HK2: variants seen among roughly 807,000 people sequenced by gnomAD.
The protein encoded by HK2 is hexokinase-2.
Under a neutral mutation model 92.9 loss-of-function variants are expected in HK2, and 42 were observed. The observed-to-expected ratio is 0.45, with a 90% confidence interval of 0.35 to 0.58. The LOEUF is 0.58. HK2 is among the 20% of genes least tolerant of loss of function. The pLI is 0.00. For synonymous variants in HK2, 422 were observed against 468.0 expected, an observed-to-expected ratio of 0.90 and a Z score of 1.27; for missense variants, 978 against 1,245.1, an observed-to-expected ratio of 0.79 and a Z score of 3.23.
chr2:74,882,605 T>TTGC (rs1553449959), intron 12 of HK2, among the ~76,000 whole-genome samples: 5 of 75,738 alleles, frequency 6.6e-5, no homozygotes, highest in Admixed American at 1.2e-4. Flanking sequence ...TCTATTGAAC[T>TTGC]TATATATATA....
chr2:74,862,165 C>CTT (rs1361895314), intron 2 of HK2, among the ~76,000 whole-genome samples: 1 of 152,334 alleles, frequency 6.6e-6, no homozygotes, highest in East Asian at 1.9e-4. Flanking sequence ...CTGAACTTCA[C>CTT]TTTACAGAAA....
At chr2:74,869,626 G>A (rs115105074) in intron 3 of HK2, among the ~76,000 whole-genome samples, 2,921 of 152,280 alleles carry the variant, frequency 0.019, 85 homozygotes, top group African/African-American at 0.067. Context: ...CGTATATCTC[G>A]TGGAAAGGGA....
chr2:74,889,460 T>A lies in HK2; in HGVS notation c.2591T>A (p.Leu864His). 1 of 1,610,592 alleles carries A rather than the reference T, an allele frequency of 6.2e-7. No homozygotes were observed. Among genetic ancestry groups the A allele is most frequent in the Non-Finnish European group, 8.5e-7 (1 of 1,177,810 alleles). The change falls in exon 17 of 18, where the codon CTC becomes CAC. Residue 864 changes from leucine (L) to histidine (H), a missense_variant. Physicochemically the swap from Leu to His is moderately conservative, Grantham distance 99. This residue lies in a region of HK2 where 742 missense variants were observed against 922.5 expected (regional missense o/e 0.80). Transcript: ENST00000290573. ...GTGACAGTGGGTGTGGATGGGACCC[T>A]CTACAAGCTACATCCTCAGTGAGTG... Reference protein sequence around the residue: ...LKVTVGVDGTLYKLHPHFAKV... With the variant: ...LKVTVGVDGTHYKLHPHFAKV...
At chr2:74,855,637 G>T (rs1253998912) in intron 2 of HK2, among the ~76,000 whole-genome samples, 1 of 152,224 alleles carries the variant, frequency 6.6e-6, no homozygotes, top group African/African-American at 2.4e-5. Context: ...GTGGATTAGG[G>T]CTAGGTCACT....
chr2:74,873,808 T>A (rs1358573250), intron 5 of HK2, 36 bp from the exon 6 acceptor site: 1 of 1,460,154 alleles, frequency 6.8e-7, no homozygotes, highest in East Asian at 2.3e-5. Context: ...CCCTCTGTGA[T>A]GATGAAGGTC....
At chr2:74,863,403 CTG>C (rs1688876204) in intron 2 of HK2, among the ~76,000 whole-genome samples, 2 of 152,230 alleles carry the variant, frequency 1.3e-5, no homozygotes, top group South Asian at 4.1e-4. Flanking sequence ...CCAGCGTTAA[CTG>C]TGATTCAGTG....
chr2:74,874,537 C>T, intron 7 of HK2, 88 bp downstream of exon 7: 1 of 1,298,132 alleles, frequency 7.7e-7, no homozygotes. Flanking sequence ...TGTTTCTTTA[C>T]AGTCTTACAT....
Position 74,874,328 on chromosome 2 carries a change from G to A in HK2, c.754G>A (p.Glu252Lys), listed in dbSNP as rs766707949. Residue 252 changes from glutamate to lysine, a missense_variant, in exon 7 of 18, where the codon GAG (glutamate) becomes AAG (lysine). Glu to Lys is a moderately conservative substitution (Grantham distance 56, BLOSUM62 1). Around this residue, in one of 3 missense-constraint regions of HK2, gnomAD observed 742 missense variants for 922.5 expected, o/e 0.80. Coordinates refer to ENST00000290573, the MANE Select transcript of HK2 (RefSeq NM_000189.5). Reference protein sequence around the residue: ...MRHIDMVEGDEGRMCINMEWG... With the variant: ...MRHIDMVEGDKGRMCINMEWG... ...CCACATCGACATGGTGGAAGGCGATGAGGGGCGGATGTGTATCAATATGGA... is the reference window on the plus strand; with the variant it reads ...CCACATCGACATGGTGGAAGGCGATAAGGGGCGGATGTGTATCAATATGGA... 2.5e-6 allele frequency: 4 copies of A among 1,614,070 alleles called. No homozygotes were observed. The African/African-American group carries it at 4.0e-5, about 16-fold the overall frequency.
Position 74,880,689 on chromosome 2 carries a change from G to A in HK2, c.1570+120G>A, listed in dbSNP as rs550182169. ...TGAACCAGAACACGTTTCTTCAGCC[G>A]TATTACTAGGGAGTTCTAGTCTTTG... On this transcript the variant is annotated intron_variant, in intron 10 of 17. Transcript: ENST00000290573. 8.9e-6 allele frequency: 9 copies of A among 1,005,912 alleles called. No homozygotes were observed. In the East Asian group the frequency reaches 1.8e-4, roughly 21 times the overall value. The allele number at this position is 1,005,912 out of a possible 1,614,324, so 62.3% of individuals were successfully genotyped here. A position where few individuals can be genotyped will look rare whatever the true frequency, so the allele number is the denominator to read the frequency against.
At chr2:74,867,495 A>C (rs1688982348) in intron 2 of HK2, 141 bp from the exon 3 acceptor site, 3 of 793,780 alleles carry the variant, frequency 3.8e-6, no homozygotes, top group African/African-American at 1.7e-5. Context: ...ATTAGACTAT[A>C]TGTAATGTCT....
At chr2:74,860,575 G>A (rs79524503) in intron 2 of HK2, among the ~76,000 whole-genome samples, 4,595 of 152,226 alleles carry the variant, frequency 0.03, 213 homozygotes, top group African/African-American at 0.1. Flanking sequence ...TCTGTGTTGT[G>A]TCTATCAGTG....
intron 3 of HK2, among the ~76,000 whole-genome samples, chr2:74,870,754 T>C (rs903508463): frequency 6.6e-6 from 1 of 152,076 alleles, no homozygotes; most frequent in African/African-American, 2.4e-5. Context: ...TTCAAGGGAG[T>C]TGGCTCACCT....
chr2:74,868,581 GGTTTTT>G (rs1689019138), intron 3 of HK2, among the ~76,000 whole-genome samples: 2 of 151,980 alleles, frequency 1.3e-5, no homozygotes, highest in African/African-American at 4.8e-5. Context: ...TTTTCACAGG[GGTTTTT>G]GTCTGTTTAT....
intron 10 of HK2, among the ~76,000 whole-genome samples, chr2:74,881,327 A>C (rs924471539): frequency 6.6e-6 from 1 of 152,210 alleles, no homozygotes; most frequent in African/African-American, 2.4e-5. Flanking sequence ...TTCCAGAGAC[A>C]GACTGGGATT....
chr2:74,885,548 G>A lies in HK2; in HGVS notation c.1894G>A (p.Asp632Asn), dbSNP rs1455796627. ...CAAGGCATCTGGCTGCGAGGGCGAG[G>A]ACGTGGTGACCCTGCTGAAGGAAGC... is the stretch of plus-strand genomic sequence containing the variant. Reference protein sequence around the residue: ...GFKASGCEGEDVVTLLKEAIH... With the variant: ...GFKASGCEGENVVTLLKEAIH... The change falls in exon 13 of 18, where the codon GAC becomes AAC. Residue 632 changes from aspartate to asparagine, a missense_variant. By Grantham distance (23) the Asp-to-Asn change is conservative. Around this residue, in one of 3 missense-constraint regions of HK2, gnomAD observed 742 missense variants for 922.5 expected, o/e 0.80. Coordinates refer to ENST00000290573, the MANE Select transcript of HK2 (RefSeq NM_000189.5). 13 of 1,613,944 alleles carry A rather than the reference G, an allele frequency of 8.1e-6. No homozygotes were observed. In the East Asian group the frequency reaches 2.7e-4, roughly 33 times the overall value.
rs760424505 is a variant in HK2, at chr2:74,886,685, A to G, written c.2219+12A>G. The G allele has an allele frequency of 4.5e-5, 72 of 1,613,496 alleles. No homozygotes were observed. The East Asian group carries it at 1.5e-3, about 34-fold the overall frequency. ...CCCGGCAAGCAGAGGTAGGCACCCA[A>G]CTGGGGCCCTGTTAAGTGTATCCCA... is the stretch of plus-strand genomic sequence containing the variant. On this transcript the variant is annotated intron_variant, in intron 15 of 17. Transcript: ENST00000290573.
intron 1 of HK2, among the ~76,000 whole-genome samples, chr2:74,844,612 A>C (rs1688394518): frequency 6.6e-6 from 1 of 152,228 alleles, no homozygotes; most frequent in South Asian, 2.1e-4. Flanking sequence ...CGCTGGCAGC[A>C]GACAGGAGTG....
intron 5 of HK2, 98 bp from the exon 6 acceptor site, chr2:74,873,746 A>AGGAGG (rs1689156278): frequency 2.9e-5 from 21 of 735,636 alleles, no homozygotes; most frequent in African/African-American, 2.2e-4. Context: ...AGAGAGAGAG[A>AGGAGG]AGGAGGAGGA....
At chr2:74,880,152 TCCTGCAGGTG>T (rs1689345307) in intron 9 of HK2, 103 bp from the exon 10 acceptor site, 3 of 1,136,140 alleles carry the variant, frequency 2.6e-6, no homozygotes, top group Non-Finnish European at 2.6e-6. Context: ...CAGCACCCAC[TCCTGCAGGTG>T]CCTTTTGGCA....
Sources: allele counts gnomAD v4.1 joint callset (sites outside exome capture counted in the v4.1 genomes callset), GRCh38; gene constraint gnomAD v4.1.1; regional missense constraint gnomAD v4.1.1; transcripts MANE v1.5; gene names NCBI Gene and HGNC (gene_info 2026-07-23, HGNC 2026-07-21).